SIK2: variants seen among roughly 807,000 people sequenced by gnomAD.
The protein encoded by SIK2 is salt inducible kinase 2.
In SIK2, 29 loss-of-function variants were observed where a neutral mutation model predicts 103.2. That is an observed-to-expected ratio of 0.28 (90% confidence interval 0.21 to 0.38). The LOEUF (loss-of-function observed/expected upper bound fraction) is 0.38. Ranked by LOEUF, SIK2 falls within the 10% of genes least tolerant of loss-of-function variation. The pLI is 1.00. For synonymous variants in SIK2, 412 were observed against 446.1 expected, an observed-to-expected ratio of 0.92 and a Z score of 0.96; for missense variants, 879 against 1,171.0, an observed-to-expected ratio of 0.75 and a Z score of 3.64.
chr11:111,704,263 T>C (rs1400207361), intron 7 of SIK2, among the ~76,000 whole-genome samples: 1 of 152,220 alleles, frequency 6.6e-6, no homozygotes, highest in African/African-American at 2.4e-5. Context: ...TGATTTTTGC[T>C]GAGAGTGCTC....
intron 9 of SIK2, among the ~76,000 whole-genome samples, chr11:111,715,518 T>C (rs1335510571): frequency 1.3e-5 from 2 of 152,220 alleles, no homozygotes; most frequent in African/African-American, 4.8e-5. Context: ...AAATCTTCAG[T>C]GCTTAAAATT....
chr11:111,700,903 T>C lies in SIK2; in HGVS notation c.496T>C (p.Phe166Leu). The C allele has an allele frequency of 1.2e-6, 2 of 1,613,974 alleles. No homozygotes were observed. The highest frequency in any genetic ancestry group is 1.7e-6 in the Non-Finnish European group (2 of 1,179,884). The change falls in exon 5 of 15, where the codon TTC becomes CTC. Residue 166 changes from phenylalanine (F) to leucine (L), a missense_variant. By Grantham distance (22) the Phe-to-Leu change is conservative. Coordinates refer to ENST00000304987, the MANE Select transcript of SIK2 (RefSeq NM_015191.3). The part of the protein sequence containing the change: ...IKIADFGFGN[F>L]FKSGELLATW... ...CCTAATAGATTTCGGTTTTGGAAAT[T>C]TCTTTAAAAGTGGTGAACTGCTGGC...
At chr11:111,681,082 A>C (rs1268976609) in intron 3 of SIK2, among the ~76,000 whole-genome samples, 1 of 152,234 alleles carries the variant, frequency 6.6e-6, no homozygotes, top group African/African-American at 2.4e-5. Flanking sequence ...AATCTGTATA[A>C]GTATATAATT....
chr11:111,721,775 G>T, intron 12 of SIK2, 55 bp from the exon 13 acceptor site: 1 of 1,402,600 alleles, frequency 7.1e-7, no homozygotes. Context: ...GCTAAGAACT[G>T]AGACGTTTTT....
At chr11:111,678,160 G>C (rs1470082557) in intron 3 of SIK2, among the ~76,000 whole-genome samples, 1 of 152,072 alleles carries the variant, frequency 6.6e-6, no homozygotes, top group East Asian at 1.9e-4. Context: ...TTTTCTCCCA[G>C]TTGAAATAGT....
At chr11:111,617,864 A>G (rs1591589804) in intron 2 of SIK2, among the ~76,000 whole-genome samples, 2 of 151,136 alleles carry the variant, frequency 1.3e-5, no homozygotes, top group African/African-American at 4.9e-5. Flanking sequence ...ATATATATAC[A>G]CACACACACA....
intron 8 of SIK2, among the ~76,000 whole-genome samples, chr11:111,711,947 C>T (rs551001329): frequency 3.9e-5 from 6 of 152,336 alleles, no homozygotes; most frequent in African/African-American, 1.4e-4. Flanking sequence ...CTAGCTTTCT[C>T]GTCACCTGCG....
intron 1 of SIK2, among the ~76,000 whole-genome samples, chr11:111,611,085 AATGTGTGTGTGTGT>A (rs1276748187): frequency 7.4e-6 from 1 of 134,732 alleles, no homozygotes; most frequent in Non-Finnish European, 1.5e-5. Flanking sequence ...CTCTCGACCA[AATGTGTGTGTGTGT>A]GTGTGTGTGT....
intron 9 of SIK2, among the ~76,000 whole-genome samples, chr11:111,716,945 A>G (rs932643271): frequency 1.3e-5 from 2 of 152,176 alleles, no homozygotes; most frequent in African/African-American, 4.8e-5. Context: ...AAAAATCCCC[A>G]TTAAAAAGTG....
At chr11:111,698,240 G>A (rs977399021) in intron 4 of SIK2, among the ~76,000 whole-genome samples, 5 of 152,196 alleles carry the variant, frequency 3.3e-5, no homozygotes, top group African/African-American at 1.2e-4. Context: ...TTGTAAAGCA[G>A]AGGTTGAAAC....
chr11:111,688,021 C>G lies in SIK2; in HGVS notation c.337C>G (p.Arg113Gly), dbSNP rs757907772. The G allele has an allele frequency of 1.2e-6, 2 of 1,614,020 alleles. No homozygotes were observed. The highest frequency in any genetic ancestry group is 2.2e-5 in the South Asian group (2 of 91,060). ...EIFDYLANHG[R>G]LNESEARRKF... is the part of the protein sequence containing the mutation. Reference sequence around the variant, plus strand: ...TACAGACTATCTTGCTAATCATGGCCGGTTAAATGAGTCTGAAGCCAGGCG... The same window carrying G: ...TACAGACTATCTTGCTAATCATGGCGGGTTAAATGAGTCTGAAGCCAGGCG... The change falls in exon 4 of 15, where the codon CGG becomes GGG. Residue 113 changes from arginine to glycine, a missense_variant. Around this residue, in one of 7 missense-constraint regions of SIK2, gnomAD observed 126 missense variants for 245.5 expected, o/e 0.51. Transcript: ENST00000304987. The surrounding 1 kb of genome is among the most constrained non-coding windows in gnomAD (Gnocchi z 4.2).
rs1289485844 is a variant in SIK2, at chr11:111,725,368, G to C, written c.*1239G>C. On this transcript the variant is annotated 3_prime_UTR_variant, in exon 15 of 15. Coordinates refer to ENST00000304987, the MANE Select transcript of SIK2 (RefSeq NM_015191.3). ...AATATTCAAAGAAAGAACCACAGAT[G>C]TGTTAACCATTTAAGCAGATCATCT... 6.6e-6 allele frequency: 1 copy of C among 152,624 alleles called. No homozygotes were observed. Among genetic ancestry groups the C allele is most frequent in the East Asian group, 1.9e-4 (1 of 5,206 alleles). The allele number at this position is 152,624 out of a possible 1,614,324, so 9.5% of individuals were successfully genotyped here. A position where few individuals can be genotyped will look rare whatever the true frequency, so the allele number is the denominator to read the frequency against.
At position 111,724,257 on chromosome 11, in the gene SIK2, C is replaced by A. The variant is rs1943899358; in HGVS notation, c.*128C>A. ...AACGGGGAGAAATCGAGCCACCCAA[C>A]TGGAATCAGAGGGTCTGGCTGGGGT... On this transcript the variant is annotated 3_prime_UTR_variant, in exon 15 of 15. Transcript: ENST00000304987. 2 of 1,327,524 alleles carry A rather than the reference C, an allele frequency of 1.5e-6. No homozygotes were observed. The highest frequency in any genetic ancestry group is 2.5e-5 in the East Asian group (1 of 40,674). The allele number at this position is 1,327,524 out of a possible 1,614,324, so 82.2% of individuals were successfully genotyped here.
chr11:111,605,953 A>C (rs1031833651), intron 1 of SIK2, among the ~76,000 whole-genome samples: 2 of 152,200 alleles, frequency 1.3e-5, no homozygotes, highest in Admixed American at 1.3e-4. Context: ...TACGCTTTGC[A>C]AAGGCTTTGT....
At chr11:111,643,161 C>T (rs569970478) in intron 3 of SIK2, among the ~76,000 whole-genome samples, 1 of 152,242 alleles carries the variant, frequency 6.6e-6, no homozygotes, top group Admixed American at 6.5e-5. Flanking sequence ...GGATCTATTT[C>T]TTATTCATTT....
intron 3 of SIK2, among the ~76,000 whole-genome samples, chr11:111,640,800 T>G (rs1942172756): frequency 3.0e-5 from 4 of 134,618 alleles, no homozygotes; most frequent in Non-Finnish European, 6.2e-5. Context: ...AGTGGCGCGA[T>G]CTCAGCTCAC....
At chr11:111,689,833 C>A (rs1942903050) in intron 4 of SIK2, among the ~76,000 whole-genome samples, 1 of 151,858 alleles carries the variant, frequency 6.6e-6, no homozygotes, top group Admixed American at 6.6e-5. Context: ...TATTTTTACT[C>A]ATTTTAAATG....
intron 3 of SIK2, chr11:111,671,664 G>T: frequency 2.6e-6 from 1 of 378,568 alleles, no homozygotes. Flanking sequence ...CCACAGATGT[G>T]TCCAAGATCT....
At chr11:111,603,519 G>A (rs1241027416) in intron 1 of SIK2, among the ~76,000 whole-genome samples, 1 of 152,002 alleles carries the variant, frequency 6.6e-6, no homozygotes. Context: ...ACTGCTTCCT[G>A]ACGGTGAATC....
Sources: allele counts gnomAD v4.1 joint callset (sites outside exome capture counted in the v4.1 genomes callset), GRCh38; gene constraint gnomAD v4.1.1; regional missense constraint gnomAD v4.1.1; non-coding constraint Gnocchi (gnomAD v3.1); transcripts MANE v1.5; gene names NCBI Gene and HGNC (gene_info 2026-07-23, HGNC 2026-07-21).